MYLK: variants seen among roughly 807,000 people sequenced by gnomAD.
The protein encoded by MYLK is myosin light chain kinase, smooth muscle.
In MYLK, 106 loss-of-function variants were observed where a neutral mutation model predicts 203.4. That is an observed-to-expected ratio of 0.52 (90% CI 0.45 to 0.61). MYLK has a LOEUF of 0.61. MYLK is among the 20% of genes least tolerant of loss of function. The pLI is 0.00. For missense variants in MYLK, 2,072 were observed against 2,442.3 expected, an observed-to-expected ratio of 0.85 and a Z score of 3.20; for synonymous variants, 867 against 959.5, an observed-to-expected ratio of 0.90 and a Z score of 1.78.
At chr3:123,646,220 GAA>G in intron 27 of MYLK, among the ~76,000 whole-genome samples, 1 of 152,218 alleles carries the variant, frequency 6.6e-6, no homozygotes, top group Middle Eastern at 3.4e-3. Context: ...AAGAAAATAA[GAA>G]TATATATATG....
intron 11 of MYLK, among the ~76,000 whole-genome samples, 162 bp downstream of exon 11, chr3:123,732,734 G>C (rs1021405408): frequency 2.6e-5 from 4 of 152,194 alleles, no homozygotes; most frequent in Non-Finnish European, 5.9e-5. Context: ...CACTGGCCTA[G>C]AGCAACACAC....
intron 4 of MYLK, among the ~76,000 whole-genome samples, chr3:123,775,036 T>G (rs756523079): frequency 6.6e-6 from 1 of 152,132 alleles, no homozygotes; most frequent in Non-Finnish European, 1.5e-5. Context: ...TAAATTTTTT[T>G]TTTTTTAATT....
chr3:123,627,399 G>A (rs775576303), intron 30 of MYLK, among the ~76,000 whole-genome samples: 50 of 152,328 alleles, frequency 3.3e-4, no homozygotes, highest in Non-Finnish European at 6.5e-4. Flanking sequence ...GAACTTTCAT[G>A]TTTAATGTCT....
chr3:123,760,998 T>C (rs1234317626), intron 4 of MYLK, among the ~76,000 whole-genome samples: 1 of 152,186 alleles, frequency 6.6e-6, no homozygotes, highest in African/African-American at 2.4e-5. Flanking sequence ...AATGCAGCCC[T>C]GGAATTTCAA....
At chr3:123,797,699 G>T (rs140276208) in intron 3 of MYLK, among the ~76,000 whole-genome samples, 21 of 152,342 alleles carry the variant, frequency 1.4e-4, no homozygotes, top group Non-Finnish European at 2.5e-4. Flanking sequence ...GCTGGGCAAG[G>T]TGCTCCAACC....
At position 123,613,991 on chromosome 3, in the gene MYLK, C is replaced by T. The variant is rs746262293; in HGVS notation, c.*114G>A. 115 of 1,333,446 alleles carry T rather than the reference C, an allele frequency of 8.6e-5. No homozygotes were observed. Among genetic ancestry groups the T allele is most frequent in the Middle Eastern group, 1.9e-4 (1 of 5,384 alleles). 82.6% of individuals were successfully genotyped at this position (1,333,446 alleles called of 1,614,324 possible). On this transcript the variant is annotated 3_prime_UTR_variant, in exon 34 of 34. Coordinates refer to ENST00000360304, the MANE Select transcript of MYLK (RefSeq NM_053025.4). ...AGAATCAACCCACAAATGACCTAAC[C>T]GATAATCTATCACACTAGGTGCTTT...
At chr3:123,753,476 C>CTTTTTTT (rs5852362) in intron 4 of MYLK, among the ~76,000 whole-genome samples, 1 of 120,908 alleles carries the variant, frequency 8.3e-6, no homozygotes, top group South Asian at 2.9e-4. Flanking sequence ...TCTGAGTTTC[C>CTTTTTTT]TTTTTTTTTT....
intron 2 of MYLK, among the ~76,000 whole-genome samples, chr3:123,864,393 G>A (rs184000406): frequency 6.6e-6 from 1 of 152,276 alleles, no homozygotes; most frequent in East Asian, 1.9e-4. Context: ...TCAAGGTAAT[G>A]GTATGCATGC....
chr3:123,858,895 C>T (rs965688914), intron 2 of MYLK, among the ~76,000 whole-genome samples: 1 of 152,186 alleles, frequency 6.6e-6, no homozygotes, highest in African/African-American at 2.4e-5. Context: ...AAACTGGCTT[C>T]ATCCAGGAGA....
At chr3:123,851,014 T>C (rs963498085) in intron 2 of MYLK, among the ~76,000 whole-genome samples, 12 of 152,380 alleles carry the variant, frequency 7.9e-5, no homozygotes, top group African/African-American at 2.9e-4. Context: ...ACTTTCCCCA[T>C]TTCTGGTTTT....
chr3:123,618,890 G>T, intron 32 of MYLK, 120 bp from the exon 33 acceptor site: 1 of 1,337,708 alleles, frequency 7.5e-7, no homozygotes, highest in Non-Finnish European at 1.1e-6. Flanking sequence ...GCAGCTTTGA[G>T]AACTGAATCA....
intron 29 of MYLK, among the ~76,000 whole-genome samples, chr3:123,637,066 GTA>G (rs2058668220): frequency 6.6e-6 from 1 of 152,168 alleles, no homozygotes; most frequent in African/African-American, 2.4e-5. Flanking sequence ...GTCTAAGAAA[GTA>G]TTCATAGAGG....
chr3:123,857,409 A>C (rs2148679853), intron 2 of MYLK, among the ~76,000 whole-genome samples: 1 of 152,084 alleles, frequency 6.6e-6, no homozygotes, highest in African/African-American at 2.4e-5. Flanking sequence ...AATGTCCAAC[A>C]ATGATAGACT....
At chr3:123,693,794 G>A (rs142441008) in intron 18 of MYLK, among the ~76,000 whole-genome samples, 395 of 152,358 alleles carry the variant, frequency 2.6e-3, no homozygotes, top group Non-Finnish European at 4.0e-3. Flanking sequence ...GGGCCAGGCA[G>A]AAGGGCAGCA....
intron 2 of MYLK, among the ~76,000 whole-genome samples, chr3:123,871,433 T>C (rs1223244988): frequency 6.6e-6 from 1 of 152,122 alleles, no homozygotes; most frequent in African/African-American, 2.4e-5. Context: ...GCTAGCCAGA[T>C]TGACCAAGAG....
chr3:123,696,410 C>T (rs1343997612), intron 18 of MYLK, among the ~76,000 whole-genome samples: 1 of 152,030 alleles, frequency 6.6e-6, no homozygotes, highest in Non-Finnish European at 1.5e-5. Flanking sequence ...AGTCAGGAAG[C>T]CGGGGGCAGG....
Position 123,629,961 on chromosome 3 carries a change from G to C in MYLK, c.4962-335C>G, listed in dbSNP as rs919865639. 1.8e-5 allele frequency: 6 copies of C among 333,894 alleles called. No homozygotes were observed. The East Asian group carries it at 4.3e-4, about 24-fold the overall frequency. The allele number at this position is 333,894 out of a possible 1,614,324, so 20.7% of individuals were successfully genotyped here. ...CTATTATTCCCCAAAGCCCAGGCTAGAGCCTTCTCCAAGCCCCTTCCTCCC... is the reference window on the plus strand; with the variant it reads ...CTATTATTCCCCAAAGCCCAGGCTACAGCCTTCTCCAAGCCCCTTCCTCCC... On this transcript the variant is annotated intron_variant, in intron 29 of 33. Transcript: ENST00000360304. The surrounding 1 kb of genome is among the most constrained non-coding windows in gnomAD (Gnocchi z 4.4).
chr3:123,662,486 G>A (rs184680051), intron 23 of MYLK, among the ~76,000 whole-genome samples: 1 of 152,278 alleles, frequency 6.6e-6, no homozygotes, highest in East Asian at 1.9e-4. Flanking sequence ...GAACAGAGGT[G>A]AGGAACCATA....
At chr3:123,658,869 C>T (rs1198914167) in intron 23 of MYLK, among the ~76,000 whole-genome samples, 1 of 152,156 alleles carries the variant, frequency 6.6e-6, no homozygotes, top group African/African-American at 2.4e-5. Context: ...CCTCTCCCAG[C>T]CCTGCCGATC....
Sources: gnomAD v4.1 joint callset for allele counts (sites outside exome capture counted in the v4.1 genomes callset) on GRCh38, gnomAD v4.1.1 for gene constraint, Gnocchi (gnomAD v3.1) non-coding constraint, MANE v1.5 for transcripts, NCBI Gene and HGNC (gene_info 2026-07-23, HGNC 2026-07-21) for gene names.